The following PRDM11 variants were observed in gnomAD, a reference collection of about 807,000 sequenced individuals.
The protein encoded by PRDM11 is PR domain-containing protein 11.
A neutral mutation model predicts 97.8 loss-of-function variants in PRDM11; 20 were observed. That is an observed-to-expected ratio of 0.20 (90% CI 0.14 to 0.30). The LOEUF (loss-of-function observed/expected upper bound fraction) is 0.30. Ranked by LOEUF, PRDM11 falls within the 10% of genes least tolerant of loss-of-function variation. PRDM11 has a pLI of 1.00. For missense variants in PRDM11, 1,139 were observed against 1,555.2 expected (o/e 0.73, Z 4.50); for synonymous variants, 599 against 637.7 (o/e 0.94, Z 0.91).
chr11:45,212,990 G>T, intron 5 of PRDM11: 1 of 391,924 alleles, frequency 2.6e-6, no homozygotes, highest in South Asian at 1.9e-5. Context: ...AGCTTCCCCA[G>T]CATCAGCCCC....
chr11:45,164,301 A>T (rs145157789), intron 1 of PRDM11, among the ~76,000 whole-genome samples: 120 of 152,332 alleles, frequency 7.9e-4, no homozygotes, highest in African/African-American at 2.8e-3. Flanking sequence ...AAGACCCCGG[A>T]GACAGAGGCT....
chr11:45,143,549 A>G (rs1484770722), upstream of PRDM11, among the ~76,000 whole-genome samples: 2 of 152,172 alleles, frequency 1.3e-5, no homozygotes, highest in African/African-American at 4.8e-5. Context: ...TTAAGGAAAT[A>G]TTTCACCACC....
chr11:45,145,868 C>G (rs1292543024), upstream of PRDM11, among the ~76,000 whole-genome samples: 1 of 152,174 alleles, frequency 6.6e-6, no homozygotes, highest in Non-Finnish European at 1.5e-5. Context: ...ATTCCACCCC[C>G]GGCCCAGTCT....
At chr11:45,218,334 C>T (rs1353015191) in intron 5 of PRDM11, among the ~76,000 whole-genome samples, 1 of 152,198 alleles carries the variant, frequency 6.6e-6, no homozygotes, top group African/African-American at 2.4e-5. Flanking sequence ...CCTTTCTTAC[C>T]ACCTTTACCA....
At chr11:45,163,979 T>C (rs984730688) in intron 1 of PRDM11, among the ~76,000 whole-genome samples, 28 of 152,304 alleles carry the variant, frequency 1.8e-4, no homozygotes, top group African/African-American at 6.5e-4. Context: ...GCAGCCAGCA[T>C]GCAGGGAAGG....
chr11:45,138,263 G>T (rs1030748011), intron 1 of PRDM11, among the ~76,000 whole-genome samples: 1 of 152,098 alleles, frequency 6.6e-6, no homozygotes, highest in Non-Finnish European at 1.5e-5. Context: ...AAACATTGCA[G>T]TCATTCAAAA....
intron 5 of PRDM11, among the ~76,000 whole-genome samples, chr11:45,209,943 C>A (rs895408315): frequency 1.3e-5 from 2 of 151,994 alleles, no homozygotes; most frequent in Non-Finnish European, 2.9e-5. Context: ...GCGTGGGGCG[C>A]GGAGAAGGGG....
chr11:45,204,334 T>A (rs1853432036), intron 4 of PRDM11, among the ~76,000 whole-genome samples: 1 of 152,064 alleles, frequency 6.6e-6, no homozygotes, highest in African/African-American at 2.4e-5. Context: ...GAAGGATTGG[T>A]TTAGCCTTTG....
At chr11:45,101,633 A>T (rs1474678050) in intron 1 of PRDM11, among the ~76,000 whole-genome samples, 3 of 146,154 alleles carry the variant, frequency 2.1e-5, no homozygotes, top group Non-Finnish European at 4.6e-5. Flanking sequence ...GGCTGAGCAG[A>T]GGAAGAAGAA....
At chr11:45,133,885 A>C (rs917208066) in intron 1 of PRDM11, among the ~76,000 whole-genome samples, 16 of 152,362 alleles carry the variant, frequency 1.1e-4, no homozygotes, top group South Asian at 8.3e-4. Flanking sequence ...GGATTTTGCC[A>C]GCTAAGCACT....
intron 6 of PRDM11, among the ~76,000 whole-genome samples, chr11:45,222,972 A>C (rs1590474200): frequency 6.6e-6 from 1 of 152,354 alleles, no homozygotes; most frequent in East Asian, 1.9e-4. Flanking sequence ...TCTCACCAGC[A>C]AGCATCAGCA....
intron 3 of PRDM11, 126 bp from the exon 4 acceptor site, chr11:45,182,735 C>G (rs139914036): frequency 1.7e-6 from 2 of 1,211,144 alleles, no homozygotes; most frequent in African/African-American, 3.0e-5. Flanking sequence ...TTATTGCTAC[C>G]GATGACCCTG....
chr11:45,190,660 T>C (rs994663571), intron 4 of PRDM11, among the ~76,000 whole-genome samples: 1 of 152,136 alleles, frequency 6.6e-6, no homozygotes, highest in Non-Finnish European at 1.5e-5. Flanking sequence ...CCACTCTGCC[T>C]TTGCACTGCA....
chr11:45,128,577 C>G (rs1299906986), intron 1 of PRDM11, among the ~76,000 whole-genome samples: 1 of 122,018 alleles, frequency 8.2e-6, no homozygotes, highest in Non-Finnish European at 1.6e-5. Flanking sequence ...ATTAAATGAA[C>G]AAATTCTTTG....
chr11:45,112,788 TTGTG>T (rs113245678), intron 1 of PRDM11, among the ~76,000 whole-genome samples: 2,601 of 149,918 alleles, frequency 0.017, 87 homozygotes, highest in African/African-American at 0.06. Context: ...ATGGGATTAT[TTGTG>T]TGTGTGTGTG....
chr11:45,128,224 C>A (rs1368178555), intron 1 of PRDM11, among the ~76,000 whole-genome samples: 1 of 152,178 alleles, frequency 6.6e-6, no homozygotes, highest in African/African-American at 2.4e-5. Context: ...GTGGGAGTGA[C>A]CCAATTTTCC....
chr11:45,145,470 G>C (rs1417760866), upstream of PRDM11, among the ~76,000 whole-genome samples: 1 of 152,186 alleles, frequency 6.6e-6, no homozygotes, highest in East Asian at 1.9e-4. Context: ...AGGTTGACAC[G>C]GAACTCCTTC....
At chr11:45,173,641 A>C (rs1047985953) in intron 1 of PRDM11, among the ~76,000 whole-genome samples, 1 of 151,486 alleles carries the variant, frequency 6.6e-6, no homozygotes, top group Admixed American at 6.6e-5. Context: ...AAAAAAAAAA[A>C]AGTTCTGCGG....
chr11:45,108,438 A>G (rs1349516116), intron 1 of PRDM11, among the ~76,000 whole-genome samples: 1 of 152,156 alleles, frequency 6.6e-6, no homozygotes, highest in East Asian at 1.9e-4. Context: ...AATATTTCAA[A>G]GATCACTCCT....
Sources: allele counts gnomAD v4.1 joint callset (sites outside exome capture counted in the v4.1 genomes callset), GRCh38; gene constraint gnomAD v4.1.1; transcripts MANE v1.5; gene names NCBI Gene and HGNC (gene_info 2026-07-23, HGNC 2026-07-21).